The following DLC1 variants were observed in gnomAD, a reference collection of about 807,000 sequenced individuals.
The protein encoded by DLC1 is DLC1 Rho GTPase activating protein.
A neutral mutation model predicts 140.3 loss-of-function variants in DLC1; 54 were observed. The observed-to-expected ratio is 0.38, with a 90% CI of 0.31 to 0.48. The LOEUF is 0.48. DLC1 is among the 20% of genes least tolerant of loss of function. The pLI is 0.96. For synonymous variants in DLC1, 986 were observed against 728.1 expected (o/e 1.35, Z -5.70); for missense variants, 2,536 against 1,907.0 (o/e 1.33, Z -6.14).
At chr8:13,532,763 C>T (rs542764812) in intron 1 of DLC1, among the ~76,000 whole-genome samples, 1 of 152,102 alleles carries the variant, frequency 6.6e-6, no homozygotes. Context: ...GCACAAAGCT[C>T]TTAACCACTG....
chr8:13,484,490 T>G (rs1207004793), intron 2 of DLC1, among the ~76,000 whole-genome samples: 1 of 152,152 alleles, frequency 6.6e-6, no homozygotes, highest in Non-Finnish European at 1.5e-5. Flanking sequence ...TCTCTTTAGT[T>G]TTTGGAGCGA....
At chr8:13,208,562 AAAGTTCTTCTTATGT>A (rs1473304637) in intron 5 of DLC1, among the ~76,000 whole-genome samples, 1 of 152,182 alleles carries the variant, frequency 6.6e-6, no homozygotes, top group African/African-American at 2.4e-5. Flanking sequence ...TTTTAGATTA[AAAGTTCTTCTTATGT>A]GATATTTTAT....
chr8:13,368,191 C>T (rs1403620734), intron 4 of DLC1, among the ~76,000 whole-genome samples: 1 of 152,134 alleles, frequency 6.6e-6, no homozygotes, highest in Non-Finnish European at 1.5e-5. Context: ...TTAGATTTGA[C>T]CCCCACTTTA....
At chr8:13,438,314 G>A (rs1194155316) in intron 2 of DLC1, among the ~76,000 whole-genome samples, 1 of 152,150 alleles carries the variant, frequency 6.6e-6, no homozygotes, top group Non-Finnish European at 1.5e-5. Context: ...CTTGCTGATG[G>A]ACAGGTGCTT....
intron 2 of DLC1, among the ~76,000 whole-genome samples, chr8:13,476,260 T>C (rs933178631): frequency 6.6e-6 from 1 of 152,228 alleles, no homozygotes; most frequent in African/African-American, 2.4e-5. Context: ...TAGCCTTGTT[T>C]CGTGATATTT....
At chr8:13,424,607 C>G (rs1004446802) in intron 2 of DLC1, among the ~76,000 whole-genome samples, 1 of 152,056 alleles carries the variant, frequency 6.6e-6, no homozygotes, top group Non-Finnish European at 1.5e-5. Context: ...GAGTCTGGCT[C>G]TGTCGTCCAG....
In DLC1 at chr8:13,127,663, T is replaced by G. The variant is rs571531335; in HGVS notation, c.1349-12006A>C. The stretch of plus-strand genomic sequence containing the variant: ...CATGGGCCACAGGCCATTTCACTTC[T>G]GAAGTCTCTTCTTCCGTGGCTTCCT... On this transcript the variant is annotated intron_variant, in intron 5 of 17. Transcript: ENST00000276297. 4.3e-4 allele frequency among the ~76,000 whole-genome samples: 66 copies of G among 152,372 alleles called. No individual in the cohort carries two copies. In the South Asian group the frequency reaches 0.013, roughly 31 times the overall value.
chr8:13,139,863 C>G (rs551641873), intron 5 of DLC1, among the ~76,000 whole-genome samples: 1 of 152,248 alleles, frequency 6.6e-6, no homozygotes, highest in Non-Finnish European at 1.5e-5. Flanking sequence ...GGCTACTTTC[C>G]CATTGAATTA....
chr8:13,108,890 T>C (rs1266323214), intron 7 of DLC1, among the ~76,000 whole-genome samples: 1 of 152,172 alleles, frequency 6.6e-6, no homozygotes, highest in East Asian at 1.9e-4. Context: ...CTGCATCTGG[T>C]TTCATTCCCG....
At chr8:13,313,003 C>T (rs183709085) in intron 4 of DLC1, among the ~76,000 whole-genome samples, 33 of 152,236 alleles carry the variant, frequency 2.2e-4, no homozygotes, top group African/African-American at 7.9e-4. Flanking sequence ...TTCGATGTTA[C>T]ACTCCTCATA....
intron 5 of DLC1, among the ~76,000 whole-genome samples, chr8:13,189,790 G>C (rs1208869516): frequency 6.6e-6 from 1 of 152,094 alleles, no homozygotes; most frequent in Non-Finnish European, 1.5e-5. Context: ...GCTGAGGCAG[G>C]AGAATCGCTT....
chr8:13,534,056 C>A (rs1392511283), intron 1 of DLC1, among the ~76,000 whole-genome samples: 2 of 152,196 alleles, frequency 1.3e-5, no homozygotes, highest in Non-Finnish European at 2.9e-5. Flanking sequence ...CCAAATAATT[C>A]TGATGATCTA....
chr8:13,185,122 C>CTGTTTTTTTTT (rs1385667383), intron 5 of DLC1, among the ~76,000 whole-genome samples: 1 of 84,566 alleles, frequency 1.2e-5, no homozygotes, highest in African/African-American at 5.2e-5. Flanking sequence ...GCAACCCCTG[C>CTGTTTTTTTTT]TTTTTTTTTT....
At chr8:13,089,319 G>A (rs1169775115) in intron 15 of DLC1, among the ~76,000 whole-genome samples, 2 of 150,168 alleles carry the variant, frequency 1.3e-5, no homozygotes, top group Non-Finnish European at 3.0e-5. Context: ...ATATCAGAGT[G>A]CATGCAATAA....
chr8:13,524,837 A>C (rs1245157083), intron 1 of DLC1, among the ~76,000 whole-genome samples: 1 of 151,904 alleles, frequency 6.6e-6, no homozygotes, highest in Non-Finnish European at 1.5e-5. Context: ...GTTTATTGAG[A>C]GTTAACTGAC....
intron 5 of DLC1, among the ~76,000 whole-genome samples, chr8:13,126,058 A>C (rs1166261578): frequency 2.0e-5 from 3 of 152,072 alleles, no homozygotes; most frequent in Admixed American, 6.6e-5. Context: ...GGAAAAGGCA[A>C]GCAGCTCACA....
intron 5 of DLC1, among the ~76,000 whole-genome samples, chr8:13,259,319 G>A (rs10503443): frequency 0.13 from 19,607 of 151,990 alleles, 1,324 homozygotes; most frequent in South Asian, 0.24. Context: ...ATCCAGTGCT[G>A]TGAATCATAA....
chr8:13,322,519 TA>T (rs1267080392), intron 4 of DLC1, among the ~76,000 whole-genome samples: 3 of 152,192 alleles, frequency 2.0e-5, no homozygotes, highest in Non-Finnish European at 4.4e-5. Flanking sequence ...GCTGAGGATT[TA>T]AACTGGGTAT....
At chr8:13,434,470 A>ATG (rs147794589) in intron 2 of DLC1, among the ~76,000 whole-genome samples, 9,911 of 150,448 alleles carry the variant, frequency 0.066, 340 homozygotes, top group Middle Eastern at 0.087. Context: ...AGTATTGAGA[A>ATG]TGTGTGTGTG....
Sources: allele counts gnomAD v4.1 joint callset (sites outside exome capture counted in the v4.1 genomes callset), GRCh38; gene constraint gnomAD v4.1.1; transcripts MANE v1.5; gene names NCBI Gene and HGNC (gene_info 2026-07-23, HGNC 2026-07-21).